The following TMEM114 variants were observed in gnomAD, a reference collection of about 807,000 sequenced individuals.
TMEM114 encodes the protein transmembrane protein 114.
TMEM114 carries 6 observed loss-of-function variants against 6.2 expected under a neutral mutation model. The observed-to-expected ratio is 0.97, with a 90% CI of 0.53 to 1.91. The LOEUF (loss-of-function observed/expected upper bound fraction) is 1.91, where lower values mean the gene tolerates loss of function less well. Ranked by LOEUF, TMEM114 falls within the 40% of genes most tolerant of loss-of-function variation. The pLI is 0.01. For missense variants in TMEM114, 218 were observed against 158.3 expected, an observed-to-expected ratio of 1.38 and a Z score of -2.02; for synonymous variants, 104 against 73.0, an observed-to-expected ratio of 1.42 and a Z score of -2.16.
chr16:8,571,289 G>C (rs1052379406), intron 3 of TMEM114, among the ~76,000 whole-genome samples: 1 of 152,026 alleles, frequency 6.6e-6, no homozygotes, highest in Non-Finnish European at 1.5e-5. Flanking sequence ...TCTTGTTTTT[G>C]TGTGTGCTGC....
At chr16:8,527,979 C>G in the TMEM114 span, among the ~76,000 whole-genome samples, 1 of 152,082 alleles carries the variant, frequency 6.6e-6, no homozygotes, top group Admixed American at 6.5e-5. Flanking sequence ...GCGATCTCAG[C>G]TCACTGCAAC....
intron 2 of TMEM114, among the ~76,000 whole-genome samples, chr16:8,541,354 A>G (rs1340506024): frequency 1.3e-5 from 2 of 152,190 alleles, no homozygotes; most frequent in East Asian, 3.9e-4. Flanking sequence ...TACATTATTA[A>G]TAATACTAAG....
At chr16:8,548,285 TC>T (rs2141655936) in intron 2 of TMEM114, among the ~76,000 whole-genome samples, 1 of 152,272 alleles carries the variant, frequency 6.6e-6, no homozygotes, top group Non-Finnish European at 1.5e-5. Context: ...GTGAAATGAT[TC>T]ATTTGAAGGG....
rs534512760 is a variant in TMEM114 at position 8,552,093 on chromosome 16, G to A, written n.213-14267C>T. Among the ~76,000 whole-genome samples, 5 of 152,020 alleles carry A rather than the reference G, an allele frequency of 3.3e-5. No individual in the cohort carries two copies. In the South Asian group the frequency reaches 8.3e-4, roughly 25 times the overall value. ...GGGGTGAAACAAGGACTATAAGGGGGACCAGGCACAGCGGCTCACACCTGT... is the reference window on the plus strand; with the variant it reads ...GGGGTGAAACAAGGACTATAAGGGGAACCAGGCACAGCGGCTCACACCTGT... On this transcript the variant is annotated intron_variant and non_coding_transcript_variant, in intron 2 of 2. Transcript: ENST00000623677.
chr16:8,539,631 C>T (rs1379224493), intron 2 of TMEM114, among the ~76,000 whole-genome samples: 1 of 152,154 alleles, frequency 6.6e-6, no homozygotes, highest in African/African-American at 2.4e-5. Context: ...CAGCTGGAAG[C>T]ACTCTGCGTG....
At chr16:8,541,813 G>A (rs1403994990) in intron 2 of TMEM114, among the ~76,000 whole-genome samples, 1 of 152,146 alleles carries the variant, frequency 6.6e-6, no homozygotes, top group Non-Finnish European at 1.5e-5. Flanking sequence ...TTCCACTTGG[G>A]AACTGGGAAG....
At chr16:8,563,594 T>TGA (rs1206210921) in intron 2 of TMEM114, among the ~76,000 whole-genome samples, 16 of 150,418 alleles carry the variant, frequency 1.1e-4, no homozygotes, top group African/African-American at 2.0e-4. Context: ...AGTGAATGAG[T>TGA]GTGTGAATGA....
chr16:8,573,428 G>A (rs1395468481), intron 2 of TMEM114, among the ~76,000 whole-genome samples: 1 of 152,114 alleles, frequency 6.6e-6, no homozygotes, highest in Non-Finnish European at 1.5e-5. Context: ...ATCAGCAAGT[G>A]GAAAAGACGA....
chr16:8,551,278 A>G (rs1900835568), intron 2 of TMEM114, among the ~76,000 whole-genome samples: 1 of 152,174 alleles, frequency 6.6e-6, no homozygotes, highest in Non-Finnish European at 1.5e-5. Context: ...AATGGCTGCA[A>G]GCAAGACCCT....
Position 8,538,825 on chromosome 16 carries a change from G to T in TMEM114, n.213-999C>A, listed in dbSNP as rs533967425. Among the ~76,000 whole-genome samples the T allele has an allele frequency of 3.3e-4, 50 of 152,176 alleles. No individual in the cohort carries two copies. The South Asian group carries it at 0.01, about 31-fold the overall frequency. ...CCGCCCGGCCGTGCTGTGTTTTTATGTTGTATATACTTCATTGCATATGTG... is the reference window on the plus strand; with the variant it reads ...CCGCCCGGCCGTGCTGTGTTTTTATTTTGTATATACTTCATTGCATATGTG... On this transcript the variant is annotated intron_variant and non_coding_transcript_variant, in intron 2 of 2. Coordinates refer to the TMEM114 transcript ENST00000623677.
chr16:8,539,220 C>T (rs1273831398), intron 2 of TMEM114, among the ~76,000 whole-genome samples: 3 of 152,080 alleles, frequency 2.0e-5, no homozygotes, highest in Non-Finnish European at 4.4e-5. Flanking sequence ...CCTGGGCCAA[C>T]TGCCCTCAGG....
At chr16:8,578,277 A>G (rs796559796) in intron 2 of TMEM114, among the ~76,000 whole-genome samples, 3 of 152,196 alleles carry the variant, frequency 2.0e-5, no homozygotes, top group African/African-American at 7.2e-5. Flanking sequence ...TACAAAATCA[A>G]GATATCAATG....
At chr16:8,580,971 C>T (rs139432833) in intron 2 of TMEM114, among the ~76,000 whole-genome samples, 78 of 152,272 alleles carry the variant, frequency 5.1e-4, no homozygotes, top group African/African-American at 1.8e-3. Context: ...GGATTACAGG[C>T]GTGAGCCACC....
At chr16:8,565,150 G>A (rs1247158077), downstream of TMEM114, among the ~76,000 whole-genome samples, 1 of 151,984 alleles carries the variant, frequency 6.6e-6, no homozygotes, top group South Asian at 2.1e-4. Flanking sequence ...GATAATGATG[G>A]ATGGGTGGAT....
At chr16:8,548,854 T>TGA (rs1555461996) in intron 2 of TMEM114, among the ~76,000 whole-genome samples, 3 of 151,564 alleles carry the variant, frequency 2.0e-5, no homozygotes, top group South Asian at 4.2e-4. Context: ...ATAAAGGGAG[T>TGA]GAGAGAGAGA....
chr16:8,526,724 C>T, the TMEM114 span: 1 of 152,100 alleles, frequency 6.6e-6, no homozygotes, highest in African/African-American at 2.4e-5. Flanking sequence ...TATAAATTAC[C>T]CAGTCTCAAG....
At chr16:8,529,971 G>C in the TMEM114 span, among the ~76,000 whole-genome samples, 1 of 152,180 alleles carries the variant, frequency 6.6e-6, no homozygotes, top group Non-Finnish European at 1.5e-5. Flanking sequence ...TCACCAGGTA[G>C]TTCCTTCTTT....
chr16:8,553,252 G>C (rs1050695521), intron 2 of TMEM114, among the ~76,000 whole-genome samples: 1 of 152,160 alleles, frequency 6.6e-6, no homozygotes, highest in African/African-American at 2.4e-5. Flanking sequence ...TGATTTAATG[G>C]GCATTCTTTC....
downstream of TMEM114, among the ~76,000 whole-genome samples, chr16:8,533,771 C>T (rs1343817842): frequency 6.6e-6 from 1 of 152,226 alleles, no homozygotes; most frequent in Non-Finnish European, 1.5e-5. Context: ...CATAGACCAG[C>T]TTACCGAAAA....
Sources: allele counts gnomAD v4.1 joint callset (sites outside exome capture counted in the v4.1 genomes callset), GRCh38; gene constraint gnomAD v4.1.1; transcripts MANE v1.5; gene names NCBI Gene and HGNC (gene_info 2026-07-23, HGNC 2026-07-21).